The following MDGA2 variants were observed in gnomAD, a reference collection of about 807,000 sequenced individuals.
MDGA2 encodes MAM domain containing glycosylphosphatidylinositol anchor 2.
MDGA2 carries 40 observed loss-of-function variants against 117.8 expected under a neutral mutation model. The ratio of observed to expected loss-of-function variants is 0.34; its 90% confidence interval spans 0.26 to 0.44. The LOEUF is 0.44. MDGA2 is among the 20% of genes least tolerant of loss of function. MDGA2 has a pLI of 1.00. For missense variants in MDGA2, 1,123 were observed against 1,250.6 expected, an observed-to-expected ratio of 0.90 and a Z score of 1.54; for synonymous variants, 452 against 439.0, an observed-to-expected ratio of 1.03 and a Z score of -0.37.
At chr14:46,934,061 AAACG>A (rs1884689980) in intron 9 of MDGA2, among the ~76,000 whole-genome samples, 1 of 151,656 alleles carries the variant, frequency 6.6e-6, no homozygotes, top group Admixed American at 6.6e-5. Flanking sequence ...AAATTTGCTG[AAACG>A]ATAGTTTTTA....
chr14:47,318,304 G>A (rs534565955), intron 1 of MDGA2, among the ~76,000 whole-genome samples: 4 of 152,252 alleles, frequency 2.6e-5, no homozygotes, highest in Admixed American at 6.5e-5. Flanking sequence ...ATTCAAACTC[G>A]TTTCTCTCTC....
At chr14:47,585,769 A>G (rs902957627) in intron 1 of MDGA2, among the ~76,000 whole-genome samples, 10 of 151,868 alleles carry the variant, frequency 6.6e-5, no homozygotes, top group Non-Finnish European at 1.5e-4. Flanking sequence ...ATACATAAAT[A>G]TATTTTCCTA....
At chr14:47,540,559 T>C (rs1334345826) in intron 1 of MDGA2, among the ~76,000 whole-genome samples, 7 of 124,406 alleles carry the variant, frequency 5.6e-5, no homozygotes, top group African/African-American at 5.5e-5. Flanking sequence ...TATATGTATA[T>C]ATATACACAC....
intron 4 of MDGA2, among the ~76,000 whole-genome samples, chr14:47,136,637 T>C (rs1882472413): frequency 6.6e-6 from 1 of 152,230 alleles, no homozygotes; most frequent in Non-Finnish European, 1.5e-5. Flanking sequence ...TATATATTTA[T>C]ATATGTTTTT....
chr14:47,508,463 C>T (rs1566490730), intron 1 of MDGA2, among the ~76,000 whole-genome samples: 1 of 151,534 alleles, frequency 6.6e-6, no homozygotes, highest in Non-Finnish European at 1.5e-5. Context: ...AAAAGAATAA[C>T]ACTTACTCCC....
chr14:47,436,287 G>A (rs1276941095), intron 1 of MDGA2, among the ~76,000 whole-genome samples: 1 of 152,118 alleles, frequency 6.6e-6, no homozygotes, highest in African/African-American at 2.4e-5. Flanking sequence ...TGTAGCAAGT[G>A]TATTCTAGTG....
chr14:47,323,859 G>A (rs1011126884), intron 1 of MDGA2, among the ~76,000 whole-genome samples: 18 of 152,146 alleles, frequency 1.2e-4, no homozygotes, highest in Middle Eastern at 3.4e-3. Flanking sequence ...GGAAGAAATC[G>A]GTATGAGAAA....
At chr14:47,372,858 T>G (rs1891394372) in intron 1 of MDGA2, among the ~76,000 whole-genome samples, 1 of 151,994 alleles carries the variant, frequency 6.6e-6, no homozygotes, top group African/African-American at 2.4e-5. Flanking sequence ...TTATTATACT[T>G]TTTATTATAA....
chr14:47,078,488 A>G (rs1890579740), intron 6 of MDGA2, among the ~76,000 whole-genome samples: 1 of 152,120 alleles, frequency 6.6e-6, no homozygotes, highest in Admixed American at 6.5e-5. Context: ...GAATGTCAAC[A>G]TATCAAAGAA....
chr14:46,871,145 TTATGC>T (rs1881979154), intron 14 of MDGA2: 1 of 129,134 alleles, frequency 7.7e-6, no homozygotes, highest in South Asian at 3.0e-4. Flanking sequence ...GGCTTGGCAA[TTATGC>T]GATTTGTTTC....
intron 1 of MDGA2, among the ~76,000 whole-genome samples, chr14:47,632,078 T>C (rs1376117416): frequency 6.6e-6 from 1 of 152,212 alleles, no homozygotes. Context: ...AATACTGTTA[T>C]GGGATGTAAA....
At chr14:46,891,999 C>T (rs1183612494) in intron 10 of MDGA2, among the ~76,000 whole-genome samples, 2 of 151,724 alleles carry the variant, frequency 1.3e-5, no homozygotes, top group Non-Finnish European at 2.9e-5. Context: ...GGTTAACATA[C>T]CCTCATCTGT....
At chr14:47,596,749 T>C (rs902755085) in intron 1 of MDGA2, among the ~76,000 whole-genome samples, 2 of 152,074 alleles carry the variant, frequency 1.3e-5, no homozygotes, top group Admixed American at 6.5e-5. Context: ...CTAAGTGGAG[T>C]GGTTTATTTA....
At chr14:47,305,138 T>A (rs768211648) in intron 1 of MDGA2, 3 of 152,220 alleles carry the variant, frequency 2.0e-5, no homozygotes, top group African/African-American at 7.2e-5. Context: ...ACTATCACTA[T>A]AATGACATCA....
intron 1 of MDGA2, among the ~76,000 whole-genome samples, chr14:47,375,047 C>A (rs975352111): frequency 2.0e-5 from 3 of 151,596 alleles, no homozygotes; most frequent in Admixed American, 1.3e-4. Flanking sequence ...TATTTCTAAG[C>A]ATTTACTTGG....
At chr14:46,951,950 G>T (rs1184313709) in intron 9 of MDGA2, among the ~76,000 whole-genome samples, 1 of 151,826 alleles carries the variant, frequency 6.6e-6, no homozygotes, top group Non-Finnish European at 1.5e-5. Flanking sequence ...AAAATATCTT[G>T]AGTCAATAAT....
intron 5 of MDGA2, among the ~76,000 whole-genome samples, chr14:47,127,713 A>C (rs1328672610): frequency 6.6e-6 from 1 of 152,166 alleles, no homozygotes; most frequent in Non-Finnish European, 1.5e-5. Flanking sequence ...TGCAACATAA[A>C]GCTGAAAGGT....
chr14:46,937,592 T>C (rs1884830211), intron 9 of MDGA2, among the ~76,000 whole-genome samples: 1 of 152,084 alleles, frequency 6.6e-6, no homozygotes, highest in Non-Finnish European at 1.5e-5. Flanking sequence ...ACCAAAACAG[T>C]ATGGTGCTGG....
At chr14:47,598,514 T>C (rs979630535) in intron 1 of MDGA2, among the ~76,000 whole-genome samples, 17 of 152,208 alleles carry the variant, frequency 1.1e-4, no homozygotes, top group African/African-American at 3.9e-4. Context: ...GAAATTTTGA[T>C]ACATGTGACA....
Sources: allele counts gnomAD v4.1 joint callset (sites outside exome capture counted in the v4.1 genomes callset), GRCh38; gene constraint gnomAD v4.1.1; transcripts MANE v1.5; gene names NCBI Gene and HGNC (gene_info 2026-07-23, HGNC 2026-07-21).